SCLT1: variants seen among roughly 807,000 people sequenced by gnomAD.
The protein encoded by SCLT1 is sodium channel-associated protein 1.
A neutral mutation model predicts 112.8 loss-of-function variants in SCLT1; 78 were observed. That is an observed-to-expected ratio of 0.69 (90% CI 0.58 to 0.83). The LOEUF is 0.83. SCLT1 is among the 40% of genes least tolerant of loss of function. SCLT1 has a pLI of 0.00. For synonymous variants in SCLT1, 257 were observed against 254.7 expected, an observed-to-expected ratio of 1.01 and a Z score of -0.09; for missense variants, 747 against 770.4, an observed-to-expected ratio of 0.97 and a Z score of 0.36.
intron 5 of SCLT1, among the ~76,000 whole-genome samples, chr4:129,009,851 C>G (rs1744365686): frequency 6.6e-6 from 1 of 152,074 alleles, no homozygotes; most frequent in Admixed American, 6.6e-5. Context: ...GATATTTGAC[C>G]TTTGTCAGAT....
At chr4:128,918,766 G>T (rs1579373986) in intron 18 of SCLT1, among the ~76,000 whole-genome samples, 1 of 152,074 alleles carries the variant, frequency 6.6e-6, no homozygotes, top group East Asian at 1.9e-4. Flanking sequence ...GAACAAAGCA[G>T]GGATTGCTAT....
intron 5 of SCLT1, among the ~76,000 whole-genome samples, chr4:129,019,819 C>T (rs1312403505): frequency 1.3e-5 from 2 of 152,086 alleles, no homozygotes; most frequent in Non-Finnish European, 2.9e-5. Context: ...ACAAAAGATC[C>T]TAAAAACTAG....
Position 128,884,320 on chromosome 4 carries a change from G to A in SCLT1, c.*157C>T. The A allele has an allele frequency of 1.9e-6, 1 of 538,858 alleles. No homozygotes were observed. The highest frequency in any genetic ancestry group is 3.3e-6 in the Non-Finnish European group (1 of 305,244). The allele number at this position is 538,858 out of a possible 1,614,324, so 33.4% of individuals were successfully genotyped here. A position where few individuals can be genotyped will look rare whatever the true frequency, so the allele number is the denominator to read the frequency against. On this transcript the variant is annotated 3_prime_UTR_variant, in exon 21 of 21. Coordinates refer to ENST00000281142, the MANE Select transcript of SCLT1 (RefSeq NM_144643.4). ...TCTTTACTTACAGGAAGTGGTCACT[G>A]CTCTGTTTTCCAATAACCCTCAAAA...
intron 18 of SCLT1, among the ~76,000 whole-genome samples, chr4:128,919,408 G>C (rs925614309): frequency 5.3e-5 from 8 of 152,110 alleles, no homozygotes; most frequent in Admixed American, 5.2e-4. Flanking sequence ...GAATCTTGGG[G>C]ACACAGCTAA....
chr4:128,959,297 T>C (rs1385063419), intron 12 of SCLT1, among the ~76,000 whole-genome samples: 1 of 151,794 alleles, frequency 6.6e-6, no homozygotes, highest in Non-Finnish European at 1.5e-5. Context: ...TATACTGAAG[T>C]AAAGCACTGT....
At chr4:129,084,063 G>T (rs1224494073) in intron 1 of SCLT1, among the ~76,000 whole-genome samples, 1 of 152,124 alleles carries the variant, frequency 6.6e-6, no homozygotes, top group Non-Finnish European at 1.5e-5. Context: ...GAATGCTTAC[G>T]TAAAATACAC....
chr4:128,947,206 T>C (rs976017787), intron 15 of SCLT1, among the ~76,000 whole-genome samples: 3 of 152,216 alleles, frequency 2.0e-5, no homozygotes, highest in Non-Finnish European at 4.4e-5. Flanking sequence ...CTTTACCTGT[T>C]GTCTTTTGCC....
chr4:128,905,113 A>G (rs912376542), intron 18 of SCLT1, among the ~76,000 whole-genome samples: 2 of 152,166 alleles, frequency 1.3e-5, no homozygotes, highest in Non-Finnish European at 2.9e-5. Context: ...ACTAATAAGC[A>G]TCTCAAATGT....
chr4:129,003,888 A>G lies in SCLT1; in HGVS notation c.291-12T>C, dbSNP rs956984558. 2 of 1,607,784 alleles carry G rather than the reference A, an allele frequency of 1.2e-6. No individual in the cohort carries two copies. The highest frequency in any genetic ancestry group is 1.7e-6 in the Non-Finnish European group (2 of 1,177,580). ...ATTCACTGTGCAACCTTTGAAACAA[A>G]TAGTTAACATGATAGCCTCAAGTCA... is the stretch of plus-strand genomic sequence containing the variant. On this transcript the variant is annotated splice_polypyrimidine_tract_variant and intron_variant, in intron 5 of 20. Transcript: ENST00000281142.
At position 128,929,191 on chromosome 4, in the gene SCLT1, A is replaced by G. The variant is rs571787727; in HGVS notation, c.1829+7464T>C. On this transcript the variant is annotated intron_variant, in intron 18 of 20. Transcript: ENST00000281142. The stretch of plus-strand genomic sequence containing the variant: ...GGTTAAAGAAAGTATCATCAGCAAC[A>G]AATAGCTTTCACATTTCTGTGTATA... 1.1e-4 allele frequency among the ~76,000 whole-genome samples: 17 copies of G among 152,358 alleles called. No homozygotes were observed. The East Asian group carries it at 1.7e-3, about 16-fold the overall frequency.
chr4:128,893,009 G>T (rs1294269245), intron 18 of SCLT1, among the ~76,000 whole-genome samples: 1 of 152,006 alleles, frequency 6.6e-6, no homozygotes, highest in Non-Finnish European at 1.5e-5. Context: ...AATGACTAGT[G>T]GTCAGTCTTC....
intron 5 of SCLT1, among the ~76,000 whole-genome samples, chr4:129,017,528 A>AT (rs59408329): frequency 0.023 from 3,513 of 152,262 alleles, 116 homozygotes; most frequent in African/African-American, 0.073. Context: ...TTAAGAAATC[A>AT]CTTAAAGCAT....
downstream of SCLT1, among the ~76,000 whole-genome samples, chr4:128,880,302 G>A (rs1035045412): frequency 1.3e-5 from 2 of 152,140 alleles, no homozygotes; most frequent in Non-Finnish European, 2.9e-5. Context: ...ATTTCAATCT[G>A]TCTGGTCCTC....
intron 1 of SCLT1, among the ~76,000 whole-genome samples, chr4:129,082,663 G>A (rs1579963349): frequency 6.6e-6 from 1 of 152,012 alleles, no homozygotes; most frequent in Admixed American, 6.5e-5. Context: ...CTTGCTCTTC[G>A]GGTTAATGAA....
At chr4:129,021,691 C>G (rs927564393) in intron 5 of SCLT1, among the ~76,000 whole-genome samples, 1 of 152,206 alleles carries the variant, frequency 6.6e-6, no homozygotes, top group African/African-American at 2.4e-5. Flanking sequence ...AGACAAAATC[C>G]CCATTGCCCT....
At chr4:128,998,857 A>G (rs1005901271) in intron 7 of SCLT1, among the ~76,000 whole-genome samples, 2 of 151,986 alleles carry the variant, frequency 1.3e-5, no homozygotes, top group Admixed American at 6.6e-5. Context: ...TTCATTAACC[A>G]GAATTTGAAA....
chr4:129,054,966 G>GTTGA (rs1749215434), intron 2 of SCLT1, among the ~76,000 whole-genome samples: 1 of 152,186 alleles, frequency 6.6e-6, no homozygotes, highest in South Asian at 2.1e-4. Context: ...TTTTGTTGAT[G>GTTGA]TTGATGTTAC....
chr4:129,041,565 G>A (rs1747697220), intron 4 of SCLT1, among the ~76,000 whole-genome samples: 2 of 152,030 alleles, frequency 1.3e-5, no homozygotes, highest in African/African-American at 2.4e-5. Flanking sequence ...ATAAGCCCTG[G>A]CATTTAATCA....
chr4:128,995,697 G>T (rs1046808160), intron 8 of SCLT1, among the ~76,000 whole-genome samples: 1 of 152,012 alleles, frequency 6.6e-6, no homozygotes, highest in African/African-American at 2.4e-5. Flanking sequence ...TGATGAGCTG[G>T]GGGGTAGGGA....
Sources: gnomAD v4.1 joint callset for allele counts (sites outside exome capture counted in the v4.1 genomes callset) on GRCh38, gnomAD v4.1.1 for gene constraint, MANE v1.5 for transcripts, NCBI Gene and HGNC (gene_info 2026-07-23, HGNC 2026-07-21) for gene names.